Variants in XKR7 observed in about 807,000 individuals in gnomAD.
The protein encoded by XKR7 is XK-related protein 7.
A neutral mutation model predicts 42.2 loss-of-function variants in XKR7; 11 were observed. The ratio of observed to expected loss-of-function variants is 0.26; its 90% CI spans 0.16 to 0.43. The LOEUF (loss-of-function observed/expected upper bound fraction) is 0.43, where lower values mean the gene tolerates loss of function less well. XKR7 is among the 20% of genes least tolerant of loss of function. XKR7 has a pLI of 1.00. For missense variants in XKR7, 710 were observed against 802.2 expected, an observed-to-expected ratio of 0.89 and a Z score of 1.39; for synonymous variants, 346 against 366.4, an observed-to-expected ratio of 0.94 and a Z score of 0.64.
At chr20:31,970,206 G>A (rs2064458297) in intron 1 of XKR7, 3 of 152,256 alleles carry the variant, frequency 2.0e-5, no homozygotes, top group African/African-American at 7.2e-5. Flanking sequence ...CGAGTGGACA[G>A]ATGGTGAAAG....
Position 31,997,071 on chromosome 20 carries a change from G to C in XKR7, c.1354G>C (p.Gly452Arg). The change falls in exon 3 of 3, where the codon GGT (glycine) becomes CGT (arginine). Residue 452 changes from glycine (G) to arginine (R), a missense_variant. This residue lies in a region of XKR7 where 708 missense variants were observed against 786.2 expected (regional missense o/e 0.90). Coordinates refer to ENST00000562532, the MANE Select transcript of XKR7 (RefSeq NM_001011718.2). Reference protein sequence around the residue: ...NGPMLGPQAPGCIFRKASEPC... With the variant: ...NGPMLGPQAPRCIFRKASEPC... ...GCCCATGCTGGGTCCCCAGGCACCT[G>C]GTTGCATCTTCCGTAAGGCCTCAGA... The C allele has an allele frequency of 1.2e-6, 2 of 1,613,784 alleles. No homozygotes were observed. The highest frequency in any genetic ancestry group is 2.2e-5 in the South Asian group (2 of 91,090).
At chr20:31,978,992 G>C (rs1264782292) in intron 1 of XKR7, among the ~76,000 whole-genome samples, 1 of 152,004 alleles carries the variant, frequency 6.6e-6, no homozygotes, top group Non-Finnish European at 1.5e-5. Context: ...AAAATTAGCT[G>C]GGCATGGTGG....
Position 31,968,636 on chromosome 20 carries a change from G to T in XKR7, c.461G>T (p.Ser154Ile). The part of the protein sequence containing the change: ...SAGAFRTKEG[S>I]PEPGPQPAPS... The stretch of plus-strand genomic sequence containing the variant: ...GGCGCCTTCCGGACCAAAGAAGGCA[G>T]CCCCGAGCCGGGTCCCCAGCCTGCG... The change falls in exon 1 of 3, where the codon AGC becomes ATC. Residue 154 changes from serine to isoleucine, a missense_variant. Physicochemically the swap from Ser to Ile is moderately radical, Grantham distance 142. Transcript: ENST00000562532. This position sits in a 1 kb window ranked among gnomAD's most constrained non-coding sequence, Gnocchi z 4.5. 3 of 1,590,442 alleles carry T rather than the reference G, an allele frequency of 1.9e-6. No homozygotes were observed. Among genetic ancestry groups the T allele is most frequent in the Non-Finnish European group, 2.6e-6 (3 of 1,174,622 alleles).
intron 1 of XKR7, among the ~76,000 whole-genome samples, chr20:31,972,778 C>T (rs1404173870): frequency 6.6e-6 from 1 of 152,176 alleles, no homozygotes; most frequent in Non-Finnish European, 1.5e-5. Context: ...CCCTCTAATG[C>T]CCTCTCTATG....
Position 31,995,387 on chromosome 20 carries a change from G to A in XKR7, c.787+117G>A. The A allele has an allele frequency of 6.7e-7, 1 of 1,490,560 alleles. No individual in the cohort carries two copies. Among genetic ancestry groups the A allele is most frequent in the East Asian group, 2.5e-5 (1 of 40,084 alleles). The allele number at this position is 1,490,560 out of a possible 1,614,324, so 92.3% of individuals were successfully genotyped here. On this transcript the variant is annotated intron_variant, in intron 2 of 2. Transcript: ENST00000562532. The surrounding 1 kb of genome is among the most constrained non-coding windows in gnomAD (Gnocchi z 4.1). ...CCCACCCCAGCTCAGGGCTCACTCA[G>A]TCAGGGTTTAGGGAGGCCTGCCCCT...
chr20:31,985,226 C>T (rs553468600), intron 1 of XKR7, among the ~76,000 whole-genome samples: 5 of 152,108 alleles, frequency 3.3e-5, no homozygotes, highest in Admixed American at 6.6e-5. Flanking sequence ...GACCCTGGCC[C>T]GCATTGAGAC....
chr20:31,992,454 G>A (rs962872256), intron 1 of XKR7, among the ~76,000 whole-genome samples: 2 of 152,168 alleles, frequency 1.3e-5, no homozygotes, highest in South Asian at 2.1e-4. Context: ...CCTGGGGAGC[G>A]TGTGAGCAGT....
At chr20:31,973,840 A>G (rs777702366) in intron 1 of XKR7, among the ~76,000 whole-genome samples, 17 of 152,194 alleles carry the variant, frequency 1.1e-4, no homozygotes, top group Non-Finnish European at 1.8e-4. Flanking sequence ...TAATTTGGCC[A>G]GAGAAGGAAC....
intron 1 of XKR7, among the ~76,000 whole-genome samples, chr20:31,972,799 G>C (rs1380735387): frequency 2.0e-5 from 3 of 152,208 alleles, no homozygotes; most frequent in African/African-American, 7.2e-5. Context: ...CATAGGCCCA[G>C]ACACTGCACT....
intron 1 of XKR7, among the ~76,000 whole-genome samples, chr20:31,974,404 T>C (rs1276094238): frequency 1.3e-5 from 2 of 152,182 alleles, no homozygotes; most frequent in Non-Finnish European, 2.9e-5. Flanking sequence ...CCAGAGTTAA[T>C]GGTTCAGCAT....
rs574772561 is a variant in XKR7, at chr20:31,968,364, G to A, written c.189G>A (p.Ala63=). ...GGGACTGCTGCTGGGTGCTGTGCGCGCTGCTCGTGTTCTTCTCCGACGGTG... is the reference window on the plus strand; with the variant it reads ...GGGACTGCTGCTGGGTGCTGTGCGCACTGCTCGTGTTCTTCTCCGACGGTG... ...ELRDCCWVLC[A]LLVFFSDGAT... is the part of the protein sequence containing the mutation. The change falls in exon 1 of 3, where the codon GCG becomes GCA. Residue 63 remains alanine, a synonymous_variant. Coordinates refer to ENST00000562532, the MANE Select transcript of XKR7 (RefSeq NM_001011718.2). The surrounding 1 kb of genome is among the most constrained non-coding windows in gnomAD (Gnocchi z 4.5). 11 of 1,610,418 alleles carry A rather than the reference G, an allele frequency of 6.8e-6. No homozygotes were observed. Among genetic ancestry groups the A allele is most frequent in the South Asian group, 6.6e-5 (6 of 91,044 alleles).
At position 31,999,510 on chromosome 20, in the gene XKR7, G is replaced by A. The variant is rs1047137405; in HGVS notation, c.*2053G>A. On this transcript the variant is annotated 3_prime_UTR_variant, in exon 3 of 3. Transcript: ENST00000562532. The stretch of plus-strand genomic sequence containing the variant: ...TCAGGAACGAGGCCTCGAGGGTGAC[G>A]GGAGGTGGGAGAAGCCCAAGGCTGA... 3 of 152,162 alleles carry A rather than the reference G, an allele frequency of 2.0e-5. No homozygotes were observed. Among genetic ancestry groups the A allele is most frequent in the Admixed American group, 6.5e-5 (1 of 15,278 alleles). 9.4% of individuals were successfully genotyped at this position (152,162 alleles called of 1,614,324 possible).
intron 1 of XKR7, chr20:31,970,481 A>C (rs1455172466): frequency 6.6e-6 from 1 of 152,208 alleles, no homozygotes; most frequent in Non-Finnish European, 1.5e-5. Flanking sequence ...GGTTTCTTGG[A>C]TATGGATAAA....
At chr20:31,992,657 T>C (rs1260520006) in intron 1 of XKR7, among the ~76,000 whole-genome samples, 2 of 152,152 alleles carry the variant, frequency 1.3e-5, no homozygotes, top group Non-Finnish European at 2.9e-5. Context: ...AATCCTGTCA[T>C]GTGTTATGTT....
At chr20:31,977,893 T>G (rs6119747) in intron 1 of XKR7, among the ~76,000 whole-genome samples, 84,693 of 152,062 alleles carry the variant, frequency 0.56, 26,711 homozygotes, top group African/African-American at 0.86. Flanking sequence ...GGATGCTGTA[T>G]CAGGGACTCT....
chr20:31,987,485 C>T (rs527553975), intron 1 of XKR7, among the ~76,000 whole-genome samples: 1 of 151,070 alleles, frequency 6.6e-6, no homozygotes, highest in East Asian at 2.0e-4. Context: ...CACAGACAGT[C>T]CACCAAGTAG....
chr20:31,980,864 C>A (rs1224187538), intron 1 of XKR7, among the ~76,000 whole-genome samples: 2 of 151,542 alleles, frequency 1.3e-5, no homozygotes, highest in African/African-American at 2.4e-5. Flanking sequence ...GAGTTCGAGA[C>A]CAGCCTGGGC....
Position 31,997,002 on chromosome 20 carries a change from A to C in XKR7, c.1285A>C (p.Ile429Leu). The C allele has an allele frequency of 3.7e-6, 6 of 1,614,096 alleles. No homozygotes were observed. Among genetic ancestry groups the C allele is most frequent in the Non-Finnish European group, 5.1e-6 (6 of 1,180,046 alleles). ...CVVASSFALGIFFMCVYYCLL... is the reference protein window; with the variant it reads ...CVVASSFALGLFFMCVYYCLL... The stretch of plus-strand genomic sequence containing the variant: ...AGTGGCCTCCAGCTTTGCGCTGGGC[A>C]TATTCTTCATGTGTGTCTACTACTG... Residue 429 changes from isoleucine to leucine, a missense_variant, in exon 3 of 3, where the codon ATA (isoleucine) becomes CTA (leucine). By Grantham distance (5) the Ile-to-Leu change is conservative (BLOSUM62 2). This residue lies in a region of XKR7 where 708 missense variants were observed against 786.2 expected (regional missense o/e 0.90). Coordinates refer to ENST00000562532, the MANE Select transcript of XKR7 (RefSeq NM_001011718.2).
At chr20:31,993,541 C>T (rs2064578720) in intron 1 of XKR7, among the ~76,000 whole-genome samples, 1 of 152,158 alleles carries the variant, frequency 6.6e-6, no homozygotes, top group Admixed American at 6.5e-5. Context: ...TATAGGGTTA[C>T]TAGAGTTCCA....
Sources: gnomAD v4.1 joint callset for allele counts (sites outside exome capture counted in the v4.1 genomes callset) on GRCh38, gnomAD v4.1.1 for gene constraint, gnomAD v4.1.1 regional missense constraint, Gnocchi (gnomAD v3.1) non-coding constraint, MANE v1.5 for transcripts, NCBI Gene and HGNC (gene_info 2026-07-23, HGNC 2026-07-21) for gene names.